FASTKD1: variants seen among roughly 807,000 people sequenced by gnomAD.
FASTKD1 encodes FAST kinase domains 1, also known as FAST kinase domain-containing protein 1, mitochondrial.
Under a neutral mutation model 90.9 loss-of-function variants are expected in FASTKD1, and 94 were observed. The ratio of observed to expected loss-of-function variants is 1.03; its 90% CI spans 0.88 to 1.23. The LOEUF (loss-of-function observed/expected upper bound fraction) is 1.23. Among genes scored for constraint, FASTKD1 ranks in the 50% most tolerant of loss-of-function variants. FASTKD1 has a pLI of 0.00. For missense variants in FASTKD1, 945 were observed against 993.5 expected (o/e 0.95, Z 0.66); for synonymous variants, 319 against 345.8 (o/e 0.92, Z 0.86).
intron 9 of FASTKD1, among the ~76,000 whole-genome samples, chr2:169,540,657 C>G (rs531871531): frequency 1.3e-5 from 2 of 152,148 alleles, no homozygotes; most frequent in East Asian, 3.9e-4. Flanking sequence ...TCACTTATAT[C>G]TTATATCAGT....
intron 3 of FASTKD1, among the ~76,000 whole-genome samples, chr2:169,564,447 G>T (rs530217627): frequency 3.3e-5 from 5 of 151,780 alleles, no homozygotes; most frequent in African/African-American, 1.2e-4. Flanking sequence ...TTTTTTTGTG[G>T]GTACATAGTA....
At chr2:169,568,422 A>G (rs938543156) in intron 3 of FASTKD1, among the ~76,000 whole-genome samples, 5 of 152,078 alleles carry the variant, frequency 3.3e-5, no homozygotes, top group African/African-American at 9.7e-5. Flanking sequence ...TTATATTTCA[A>G]CTAATTACAT....
chr2:169,557,660 C>T (rs1164334276), intron 5 of FASTKD1, among the ~76,000 whole-genome samples: 1 of 152,168 alleles, frequency 6.6e-6, no homozygotes, highest in Admixed American at 6.6e-5. Flanking sequence ...AGTTGATATT[C>T]TGACAATTTC....
At chr2:169,559,495 T>A (rs1683485430) in intron 5 of FASTKD1, among the ~76,000 whole-genome samples, 1 of 152,238 alleles carries the variant, frequency 6.6e-6, no homozygotes, top group Non-Finnish European at 1.5e-5. Context: ...AATGGCGCAA[T>A]GTCAGTTCAC....
Position 169,571,951 on chromosome 2 carries a change from T to C in FASTKD1, c.79A>G (p.Arg27Gly). The change falls in exon 2 of 15, where the codon AGA becomes GGA. Residue 27 changes from arginine (R) to glycine (G), a missense_variant. Coordinates refer to ENST00000453153, the MANE Select transcript of FASTKD1 (RefSeq NM_024622.6). ...CTGATGGGTCGAAATTGAAACACTC[T>C]CCAGGAGAATGGACAAATAGCTCTT... Reference protein sequence around the residue: ...RLRAICPFSWRVFQFRPISCE... With the variant: ...RLRAICPFSWGVFQFRPISCE... 1 of 1,613,990 alleles carries C rather than the reference T, an allele frequency of 6.2e-7. No individual in the cohort carries two copies. Among genetic ancestry groups the C allele is most frequent in the Non-Finnish European group, 8.5e-7 (1 of 1,179,954 alleles).
intron 3 of FASTKD1, among the ~76,000 whole-genome samples, chr2:169,568,628 T>TAAAAA (rs10618482): frequency 1.7e-4 from 7 of 41,504 alleles, no homozygotes; most frequent in South Asian, 1.8e-3. Flanking sequence ...CCCTGTCCAT[T>TAAAAA]AAAAAAAAAA....
chr2:169,564,865 C>T (rs150820555), intron 3 of FASTKD1, among the ~76,000 whole-genome samples: 280 of 151,908 alleles, frequency 1.8e-3, no homozygotes, highest in Non-Finnish European at 3.1e-3. Flanking sequence ...ACATAATAAT[C>T]TCCAGTTCCA....
At chr2:169,542,677 C>A (rs1685006720) in intron 9 of FASTKD1, among the ~76,000 whole-genome samples, 1 of 152,120 alleles carries the variant, frequency 6.6e-6, no homozygotes. Context: ...TCAGCCTGGG[C>A]AACGTAGCAA....
chr2:169,560,329 G>A, intron 5 of FASTKD1, 58 bp downstream of exon 5: 1 of 1,393,882 alleles, frequency 7.2e-7, no homozygotes, highest in South Asian at 1.5e-5. Context: ...GGAGACCTAA[G>A]CTTGAAGGCT....
At position 169,537,234 on chromosome 2, in the gene FASTKD1, G is replaced by GTGGTA; in HGVS notation, c.2176_2180dup (p.Lys728ThrfsTer4). The GTGGTA allele has an allele frequency of 1.3e-6, 2 of 1,588,602 alleles. No homozygotes were observed. The highest frequency in any genetic ancestry group is 2.2e-5 in the East Asian group (1 of 44,688). On this transcript the variant is annotated frameshift_variant, in exon 12 of 15. Coordinates refer to ENST00000453153, the MANE Select transcript of FASTKD1 (RefSeq NM_024622.6). LOFTEE classifies it high-confidence loss of function. ...ACCTACCCAATAACTTACCTACTTT[G>GTGGTA]TGGTAATAAGGCGTAAGAACCGAGG...
At chr2:169,550,665 G>T (rs1327578447) in intron 7 of FASTKD1, among the ~76,000 whole-genome samples, 1 of 152,082 alleles carries the variant, frequency 6.6e-6, no homozygotes, top group Non-Finnish European at 1.5e-5. Flanking sequence ...TTTTTGTAGA[G>T]ACAGAGGCTT....
intron 7 of FASTKD1, among the ~76,000 whole-genome samples, chr2:169,547,642 TCCCAG>T (rs149260147): frequency 0.014 from 2,158 of 152,140 alleles, 35 homozygotes; most frequent in Non-Finnish European, 0.019. Context: ...ATGTCTGTAA[TCCCAG>T]CACTTTGGGA....
chr2:169,565,464 T>G (rs1028851855), intron 3 of FASTKD1, among the ~76,000 whole-genome samples: 1 of 151,064 alleles, frequency 6.6e-6, no homozygotes, highest in African/African-American at 2.4e-5. Flanking sequence ...GAGTTTCACC[T>G]TGTTAGCCAG....
At chr2:169,538,193 C>T (rs760696948) in intron 10 of FASTKD1, 52 bp from the exon 11 acceptor site, 28 of 1,502,060 alleles carry the variant, frequency 1.9e-5, no homozygotes, top group Non-Finnish European at 2.1e-5. Context: ...CTAGGAAAGA[C>T]AACCCATTTT....
At chr2:169,543,191 C>T (rs760703256) in intron 9 of FASTKD1, among the ~76,000 whole-genome samples, 26 of 152,096 alleles carry the variant, frequency 1.7e-4, no homozygotes, top group Non-Finnish European at 3.2e-4. Flanking sequence ...TAGCCAGGCA[C>T]GGTGGCTCAC....
intron 5 of FASTKD1, among the ~76,000 whole-genome samples, chr2:169,559,501 T>A (rs1439398929): frequency 6.6e-6 from 1 of 152,246 alleles, no homozygotes; most frequent in East Asian, 1.9e-4. Context: ...GCAATGTCAG[T>A]TCACTGCAGG....
intron 9 of FASTKD1, among the ~76,000 whole-genome samples, chr2:169,544,405 A>G (rs1685090701): frequency 6.6e-6 from 1 of 151,978 alleles, no homozygotes; most frequent in South Asian, 2.1e-4. Context: ...CCCTGTCTGT[A>G]CTAAAAATGC....
intron 7 of FASTKD1, among the ~76,000 whole-genome samples, chr2:169,552,464 A>C (rs1467509972): frequency 6.6e-6 from 1 of 152,176 alleles, no homozygotes; most frequent in East Asian, 1.9e-4. Flanking sequence ...AAAGATGTTA[A>C]CCAACCTAAA....
intron 7 of FASTKD1, 73 bp from the exon 8 acceptor site, chr2:169,546,777 T>C: frequency 2.2e-6 from 3 of 1,387,800 alleles, no homozygotes. Flanking sequence ...TATGAATACA[T>C]ATGAGTACAA....
Sources: allele counts gnomAD v4.1 joint callset (sites outside exome capture counted in the v4.1 genomes callset), GRCh38; gene constraint gnomAD v4.1.1; transcripts MANE v1.5; gene names NCBI Gene and HGNC (gene_info 2026-07-23, HGNC 2026-07-21).